The following EGFR variants were observed in gnomAD, a reference collection of about 807,000 sequenced individuals.
EGFR encodes the protein avian erythroblastic leukemia viral (v-erb-b) oncogene homolog.
EGFR carries 58 observed loss-of-function variants against 143.0 expected under a neutral mutation model. The observed-to-expected ratio is 0.41, with a 90% CI of 0.33 to 0.50. The LOEUF is 0.50. Among genes scored for constraint, EGFR ranks in the 20% least tolerant of loss-of-function variants. The pLI is 0.39. For synonymous variants in EGFR, 613 were observed against 594.4 expected (o/e 1.03, Z -0.45); for missense variants, 1,307 against 1,579.0 (o/e 0.83, Z 2.92).
chr7:55,055,775 C>A (rs1788778411), intron 1 of EGFR, among the ~76,000 whole-genome samples: 1 of 151,786 alleles, frequency 6.6e-6, no homozygotes, highest in Admixed American at 6.6e-5. Context: ...CTACCCTGGA[C>A]TTCATCTTGA....
At chr7:55,129,370 G>A (rs983559850) in intron 1 of EGFR, among the ~76,000 whole-genome samples, 3 of 152,242 alleles carry the variant, frequency 2.0e-5, no homozygotes, top group Non-Finnish European at 4.4e-5. Context: ...CTGTAAGGTA[G>A]AGAAGCAATA....
chr7:55,119,901 C>T lies in EGFR; in HGVS notation c.89-22385C>T, dbSNP rs559712589. ...TGGAGTGTGTTAGAGATGCAGTTGG[C>T]CAGGTCCTCCAAAATCTCAGAATCT... is the stretch of plus-strand genomic sequence containing the variant. On this transcript the variant is annotated intron_variant, in intron 1 of 27. Coordinates refer to ENST00000275493, the MANE Select transcript of EGFR (RefSeq NM_005228.5). Among the ~76,000 whole-genome samples, 4 of 152,320 alleles carry T rather than the reference C, an allele frequency of 2.6e-5. No individual in the cohort carries two copies. The East Asian group carries it at 5.8e-4, about 22-fold the overall frequency.
chr7:55,062,875 T>G (rs1247209652), intron 1 of EGFR, among the ~76,000 whole-genome samples: 1 of 152,042 alleles, frequency 6.6e-6, no homozygotes, highest in Non-Finnish European at 1.5e-5. Flanking sequence ...AATCTTACCA[T>G]GTGGTGGATG....
At chr7:55,082,640 A>G (rs548407596) in intron 1 of EGFR, among the ~76,000 whole-genome samples, 2 of 152,276 alleles carry the variant, frequency 1.3e-5, no homozygotes, top group African/African-American at 4.8e-5. Context: ...GTGTAGACAT[A>G]CAATAGACCA....
intron 1 of EGFR, among the ~76,000 whole-genome samples, chr7:55,096,056 GAGATAA>G (rs1314394451): frequency 6.6e-6 from 1 of 152,048 alleles, no homozygotes; most frequent in African/African-American, 2.4e-5. Flanking sequence ...GGAGGAGAAA[GAGATAA>G]AGATAAAGTA....
chr7:55,048,293 C>T (rs949711266), intron 1 of EGFR, among the ~76,000 whole-genome samples: 6 of 152,140 alleles, frequency 3.9e-5, no homozygotes, highest in Admixed American at 3.3e-4. Flanking sequence ...TGTACAGGCT[C>T]CCAGCATTTC....
chr7:55,203,257 T>C (rs1787939552), intron 27 of EGFR, among the ~76,000 whole-genome samples: 1 of 140,812 alleles, frequency 7.1e-6, no homozygotes, highest in South Asian at 2.3e-4. Flanking sequence ...TATACACACA[T>C]ACACACACCA....
chr7:55,192,351 C>G (rs2128965198), intron 21 of EGFR, among the ~76,000 whole-genome samples: 1 of 152,300 alleles, frequency 6.6e-6, no homozygotes, highest in East Asian at 1.9e-4. Flanking sequence ...GGGACCCTCA[C>G]AGCACTAAGG....
chr7:55,063,945 A>G (rs1435289939), intron 1 of EGFR, among the ~76,000 whole-genome samples: 2 of 152,196 alleles, frequency 1.3e-5, no homozygotes, highest in African/African-American at 4.8e-5. Context: ...TCTCATCTCC[A>G]CACAAAACCC....
intron 20 of EGFR, among the ~76,000 whole-genome samples, chr7:55,185,340 C>G (rs1396332889): frequency 1.3e-5 from 2 of 152,336 alleles, no homozygotes; most frequent in Middle Eastern, 3.4e-3. Context: ...ATTCCCCACA[C>G]AGGAGCTCAC....
chr7:55,126,432 T>C (rs961859219), intron 1 of EGFR, among the ~76,000 whole-genome samples: 1 of 152,242 alleles, frequency 6.6e-6, no homozygotes, highest in Non-Finnish European at 1.5e-5. Context: ...GAGGCATTCT[T>C]CTACTCCCAC....
chr7:55,194,933 G>A (rs1280593456), intron 22 of EGFR, among the ~76,000 whole-genome samples: 6 of 152,166 alleles, frequency 3.9e-5, no homozygotes, highest in Admixed American at 1.3e-4. Context: ...TCTAGTCAAG[G>A]TGAATTATTC....
chr7:55,177,945 C>T (rs375058063), intron 19 of EGFR, among the ~76,000 whole-genome samples: 2 of 152,232 alleles, frequency 1.3e-5, no homozygotes, highest in Non-Finnish European at 2.9e-5. Context: ...GACTGAACAG[C>T]GTTCCCATTG....
intron 6 of EGFR, 28 bp downstream of exon 6, chr7:55,152,692 G>A (rs1027951918): frequency 6.2e-7 from 1 of 1,603,038 alleles, no homozygotes. Flanking sequence ...CAGCCTCCCT[G>A]GAGCAGGCTG....
At chr7:55,096,904 T>C (rs967025169) in intron 1 of EGFR, among the ~76,000 whole-genome samples, 1 of 152,178 alleles carries the variant, frequency 6.6e-6, no homozygotes, top group Admixed American at 6.5e-5. Flanking sequence ...GGCTAGCACA[T>C]GTGCTTGGGG....
intron 1 of EGFR, among the ~76,000 whole-genome samples, chr7:55,082,577 G>T (rs1462443637): frequency 6.6e-6 from 1 of 152,154 alleles, no homozygotes; most frequent in Non-Finnish European, 1.5e-5. Context: ...GTCTCATAAG[G>T]ATTATTACCC....
At chr7:55,175,770 T>C (rs1033278916) in intron 19 of EGFR, among the ~76,000 whole-genome samples, 3 of 152,190 alleles carry the variant, frequency 2.0e-5, no homozygotes, top group Admixed American at 2.0e-4. Context: ...ACAGAATACA[T>C]AGCAAGTAAA....
At chr7:55,202,401 G>C in intron 26 of EGFR, 116 bp from the exon 27 acceptor site, 1 of 884,320 alleles carries the variant, frequency 1.1e-6, no homozygotes, top group Non-Finnish European at 1.8e-6. Context: ...AGACTCTCAG[G>C]CCTGCCCAAC....
chr7:55,146,423 A>G (rs1050748954), intron 3 of EGFR, among the ~76,000 whole-genome samples, 183 bp from the exon 4 acceptor site: 1 of 152,116 alleles, frequency 6.6e-6, no homozygotes, highest in African/African-American at 2.4e-5. Flanking sequence ...TAGCTCCTCC[A>G]TGGCACCATC....
Sources: gnomAD v4.1 joint callset for allele counts (sites outside exome capture counted in the v4.1 genomes callset) on GRCh38, gnomAD v4.1.1 for gene constraint, MANE v1.5 for transcripts, NCBI Gene and HGNC (gene_info 2026-07-23, HGNC 2026-07-21) for gene names.